The following PARVA variants were observed in gnomAD, a reference collection of about 807,000 sequenced individuals.
PARVA encodes the protein parvin alpha, also known as alpha-parvin.
PARVA carries 25 observed loss-of-function variants against 52.6 expected under a neutral mutation model. The observed-to-expected ratio is 0.48, with a 90% CI of 0.35 to 0.66. The LOEUF is 0.66. Among genes scored for constraint, PARVA ranks in the 30% least tolerant of loss-of-function variants. The probability of loss-of-function intolerance (pLI) is 0.01; values close to 1 mark genes in which losing one functional copy is unlikely to be tolerated. For synonymous variants in PARVA, 185 were observed against 179.1 expected (o/e 1.03, Z -0.26); for missense variants, 373 against 450.9 (o/e 0.83, Z 1.56).
At chr11:12,399,810 G>A (rs1428474614) in intron 1 of PARVA, among the ~76,000 whole-genome samples, 3 of 152,136 alleles carry the variant, frequency 2.0e-5, no homozygotes, top group Non-Finnish European at 4.4e-5. Context: ...TTTGGAAGAT[G>A]TACCATAGAT....
At chr11:12,434,944 C>T (rs1199910512) in intron 1 of PARVA, among the ~76,000 whole-genome samples, 4 of 152,160 alleles carry the variant, frequency 2.6e-5, no homozygotes, top group Non-Finnish European at 5.9e-5. Flanking sequence ...GTCCTCAGTC[C>T]GCCACCCCAC....
At chr11:12,476,544 C>T (rs576432849) in intron 3 of PARVA, among the ~76,000 whole-genome samples, 26 of 152,254 alleles carry the variant, frequency 1.7e-4, no homozygotes, top group African/African-American at 6.0e-4. Context: ...TGGAAGCCTC[C>T]CCTCATTCCT....
At chr11:12,395,330 G>A (rs1288245051) in intron 1 of PARVA, among the ~76,000 whole-genome samples, 1 of 152,190 alleles carries the variant, frequency 6.6e-6, no homozygotes, top group Non-Finnish European at 1.5e-5. Context: ...AGCACCGAAT[G>A]TGTTTACCGA....
intron 12 of PARVA, among the ~76,000 whole-genome samples, chr11:12,523,624 G>C (rs547936229): frequency 2.8e-4 from 43 of 152,234 alleles, no homozygotes; most frequent in Middle Eastern, 6.8e-3. Context: ...CCTCTGGGGG[G>C]GAGGAGCAAA....
At chr11:12,402,883 G>T (rs765102104) in intron 1 of PARVA, among the ~76,000 whole-genome samples, 1 of 152,188 alleles carries the variant, frequency 6.6e-6, no homozygotes, top group Non-Finnish European at 1.5e-5. Context: ...TCTCCATTCT[G>T]GGCCTCAACC....
chr11:12,526,938 G>A (rs143249248), intron 12 of PARVA, among the ~76,000 whole-genome samples: 1,944 of 152,176 alleles, frequency 0.013, 29 homozygotes, highest in South Asian at 0.033. Flanking sequence ...TAAATAGATG[G>A]ATGAAGGGAG....
At chr11:12,399,389 T>C (rs12291803) in intron 1 of PARVA, among the ~76,000 whole-genome samples, 24,892 of 152,200 alleles carry the variant, frequency 0.16, 3,703 homozygotes, top group African/African-American at 0.4. Flanking sequence ...GTGACTACTA[T>C]GCAGCTTGTG....
At chr11:12,466,806 C>G (rs1347076784) in intron 1 of PARVA, among the ~76,000 whole-genome samples, 1 of 151,776 alleles carries the variant, frequency 6.6e-6, no homozygotes, top group Non-Finnish European at 1.5e-5. Flanking sequence ...TTTTAGTAGT[C>G]TTGAAGTATG....
chr11:12,526,423 T>C (rs1169196525), intron 12 of PARVA, among the ~76,000 whole-genome samples: 1 of 152,164 alleles, frequency 6.6e-6, no homozygotes, highest in Non-Finnish European at 1.5e-5. Flanking sequence ...TTACCTTCTC[T>C]TAATCACCTA....
At chr11:12,517,778 T>C in intron 11 of PARVA, 67 bp downstream of exon 11, 1 of 1,098,016 alleles carries the variant, frequency 9.1e-7, no homozygotes, top group South Asian at 1.3e-5. Context: ...CCCACACCCA[T>C]GCTGGGGCTA....
rs539767454 is a variant in PARVA at position 12,428,271 on chromosome 11, T to C, written c.137-45474T>C. ...AGTAATATGGTTTTTCTATATCGTG[T>C]GCAGGCCACTTCAGCTTCCTTTTCC... On this transcript the variant is annotated intron_variant, in intron 1 of 12. Coordinates refer to ENST00000334956, the MANE Select transcript of PARVA (RefSeq NM_018222.5). Among the ~76,000 whole-genome samples the C allele has an allele frequency of 3.3e-5, 5 of 152,280 alleles. No homozygotes were observed. The East Asian group carries it at 9.6e-4, about 29-fold the overall frequency.
chr11:12,495,565 T>C (rs1378553235), intron 4 of PARVA, among the ~76,000 whole-genome samples: 1 of 152,170 alleles, frequency 6.6e-6, no homozygotes, highest in East Asian at 1.9e-4. Context: ...GTTTTTTTCT[T>C]TGTAATAGAT....
At chr11:12,480,533 G>A (rs909799077) in intron 4 of PARVA, 1 of 152,158 alleles carries the variant, frequency 6.6e-6, no homozygotes, top group South Asian at 2.1e-4. Flanking sequence ...CATGGCCACA[G>A]AGTAATGGAA....
intron 1 of PARVA, among the ~76,000 whole-genome samples, chr11:12,382,090 C>G (rs755730719): frequency 6.6e-6 from 1 of 152,198 alleles, no homozygotes; most frequent in Non-Finnish European, 1.5e-5. Flanking sequence ...TAAGCAGATA[C>G]TTGCAGCGCT....
At position 12,487,112 on chromosome 11, in the gene PARVA, A is replaced by C. The variant is rs564587890; in HGVS notation, c.400+9163A>C. ...GTCAGTTTGGATGGGGAAAAGCTTG[A>C]AGAGGACCTAGAGATGTAGGGAGAG... is the stretch of plus-strand genomic sequence containing the variant. On this transcript the variant is annotated intron_variant, in intron 4 of 12. Transcript: ENST00000334956. Among the ~76,000 whole-genome samples, 10 of 152,310 alleles carry C rather than the reference A, an allele frequency of 6.6e-5. No homozygotes were observed. The South Asian group carries it at 2.1e-3, about 32-fold the overall frequency.
In PARVA at chr11:12,527,985, C is replaced by A; in HGVS notation, c.*60C>A. On this transcript the variant is annotated 3_prime_UTR_variant, in exon 13 of 13. Transcript: ENST00000334956. Reference sequence around the variant, plus strand: ...CTTGCTGTTGGCGTACTGGACCCTCCTCCGAACTGCCTTACCCTGCTTATT... The same window carrying A: ...CTTGCTGTTGGCGTACTGGACCCTCATCCGAACTGCCTTACCCTGCTTATT... The A allele has an allele frequency of 8.5e-7, 1 of 1,176,640 alleles. No homozygotes were observed. Among genetic ancestry groups the A allele is most frequent in the Non-Finnish European group, 1.3e-6 (1 of 782,208 alleles). The allele number at this position is 1,176,640 out of a possible 1,614,324, so 72.9% of individuals were successfully genotyped here. A position where few individuals can be genotyped will look rare whatever the true frequency, so the allele number is the denominator to read the frequency against.
At chr11:12,468,829 G>T (rs1362867128) in intron 1 of PARVA, among the ~76,000 whole-genome samples, 1 of 152,178 alleles carries the variant, frequency 6.6e-6, no homozygotes, top group African/African-American at 2.4e-5. Context: ...TGATTAGAAG[G>T]AGAAGGTTGC....
At chr11:12,437,852 G>A (rs1432543017) in intron 1 of PARVA, among the ~76,000 whole-genome samples, 1 of 152,164 alleles carries the variant, frequency 6.6e-6, no homozygotes, top group East Asian at 1.9e-4. Context: ...TTCACCCCGT[G>A]ACTTTGTACC....
chr11:12,423,742 T>G (rs1940187038), intron 1 of PARVA, among the ~76,000 whole-genome samples: 1 of 152,220 alleles, frequency 6.6e-6, no homozygotes, highest in South Asian at 2.1e-4. Context: ...TTGTCGTGAT[T>G]CTTAGTTTTG....
Sources: gnomAD v4.1 joint callset for allele counts (sites outside exome capture counted in the v4.1 genomes callset) on GRCh38, gnomAD v4.1.1 for gene constraint, MANE v1.5 for transcripts, NCBI Gene and HGNC (gene_info 2026-07-23, HGNC 2026-07-21) for gene names.